Variants in ANTXR1 observed in about 807,000 individuals in gnomAD.
ANTXR1 encodes the protein anthrax toxin receptor 1.
Under a neutral mutation model 78.1 loss-of-function variants are expected in ANTXR1, and 19 were observed. That is an observed-to-expected ratio of 0.24 (90% CI 0.17 to 0.36). The LOEUF is 0.36. Ranked by LOEUF, ANTXR1 falls within the 10% of genes least tolerant of loss-of-function variation. The pLI, the probability that ANTXR1 is intolerant of heterozygous loss-of-function variation, is 1.00. For missense variants in ANTXR1, 518 were observed against 718.6 expected (o/e 0.72, Z 3.19); for synonymous variants, 273 against 260.5 (o/e 1.05, Z -0.46).
At chr2:69,205,966 T>C (rs943871641) in intron 17 of ANTXR1, among the ~76,000 whole-genome samples, 1 of 152,270 alleles carries the variant, frequency 6.6e-6, no homozygotes, top group Non-Finnish European at 1.5e-5. Flanking sequence ...TTTACCAGTC[T>C]CACTTTACAA....
chr2:69,101,784 G>C (rs913487644), intron 9 of ANTXR1, among the ~76,000 whole-genome samples: 4 of 151,922 alleles, frequency 2.6e-5, no homozygotes, highest in African/African-American at 7.3e-5. Flanking sequence ...TATTTCTCTT[G>C]TGATATGCCA....
chr2:69,060,978 C>T (rs1670218958), intron 3 of ANTXR1, among the ~76,000 whole-genome samples: 1 of 152,092 alleles, frequency 6.6e-6, no homozygotes, highest in Non-Finnish European at 1.5e-5. Flanking sequence ...AAAAACACCA[C>T]ATATAAGAAT....
chr2:69,062,300 C>T (rs942287531), intron 3 of ANTXR1, among the ~76,000 whole-genome samples: 1 of 152,190 alleles, frequency 6.6e-6, no homozygotes, highest in Non-Finnish European at 1.5e-5. Flanking sequence ...GAGGAATTGC[C>T]TGCAGAGTAG....
chr2:69,094,917 C>A (rs554580981), intron 9 of ANTXR1, among the ~76,000 whole-genome samples: 1 of 152,148 alleles, frequency 6.6e-6, no homozygotes, highest in Non-Finnish European at 1.5e-5. Context: ...GGTAAGATAG[C>A]AGAAAAGACA....
At chr2:69,020,817 TC>T (rs1469757235) in intron 1 of ANTXR1, among the ~76,000 whole-genome samples, 1 of 152,226 alleles carries the variant, frequency 6.6e-6, no homozygotes, top group Non-Finnish European at 1.5e-5. Flanking sequence ...CCAATTTGAC[TC>T]AGCAGATTCT....
chr2:69,233,849 G>T (rs1176217351), intron 17 of ANTXR1, among the ~76,000 whole-genome samples: 1 of 151,810 alleles, frequency 6.6e-6, no homozygotes, highest in Non-Finnish European at 1.5e-5. Context: ...CAGAAATACT[G>T]TAAGAGAATT....
chr2:69,013,229 G>A lies in ANTXR1; in HGVS notation c.-271G>A. 1.8e-6 allele frequency: 1 copy of A among 545,852 alleles called. No homozygotes were observed. The highest frequency in any genetic ancestry group is 5.0e-4 in the Middle Eastern group (1 of 2,018). The allele number at this position is 545,852 out of a possible 1,614,324, so 33.8% of individuals were successfully genotyped here. A position where few individuals can be genotyped will look rare whatever the true frequency, so the allele number is the denominator to read the frequency against. On this transcript the variant is annotated 5_prime_UTR_variant, in exon 1 of 18. Coordinates refer to ENST00000303714, the MANE Select transcript of ANTXR1 (RefSeq NM_032208.3). This position sits in a 1 kb window ranked among gnomAD's most constrained non-coding sequence, Gnocchi z 5.0. Reference sequence around the variant, plus strand: ...TCGGCGCGGCCTCGGGAGCTGCCCGGCGGCCCCGGACCGAGGCAGCCCTCC... The same window carrying A: ...TCGGCGCGGCCTCGGGAGCTGCCCGACGGCCCCGGACCGAGGCAGCCCTCC...
intron 13 of ANTXR1, among the ~76,000 whole-genome samples, chr2:69,156,939 T>C (rs920996753): frequency 1.3e-5 from 2 of 152,180 alleles, no homozygotes; most frequent in Non-Finnish European, 2.9e-5. Context: ...GTTAATCTCA[T>C]GCCTTATTTC....
At chr2:69,074,142 C>G (rs115647844) in intron 6 of ANTXR1, among the ~76,000 whole-genome samples, 3 of 152,148 alleles carry the variant, frequency 2.0e-5, no homozygotes, top group African/African-American at 7.2e-5. Flanking sequence ...CCCTTTGAAG[C>G]CTACACTGGC....
intron 17 of ANTXR1, among the ~76,000 whole-genome samples, chr2:69,235,505 A>G (rs1245307541): frequency 7.9e-5 from 12 of 151,936 alleles, no homozygotes. Context: ...CAAAACAATT[A>G]GCCAGGTGTG....
intron 17 of ANTXR1, among the ~76,000 whole-genome samples, chr2:69,238,328 G>A (rs777368793): frequency 1.3e-5 from 2 of 152,208 alleles, no homozygotes; most frequent in Non-Finnish European, 2.9e-5. Flanking sequence ...TATTCTTCAT[G>A]AGGACAGGGA....
intron 12 of ANTXR1, among the ~76,000 whole-genome samples, chr2:69,142,039 T>A (rs1347011793): frequency 1.3e-5 from 2 of 152,216 alleles, no homozygotes; most frequent in Non-Finnish European, 1.5e-5. Context: ...TATAAATAAC[T>A]TGACATCATA....
intron 14 of ANTXR1, among the ~76,000 whole-genome samples, chr2:69,172,043 A>T (rs1674001643): frequency 6.6e-6 from 1 of 152,202 alleles, no homozygotes; most frequent in Non-Finnish European, 1.5e-5. Flanking sequence ...ACTCACGTGA[A>T]CACCTGCAGT....
chr2:69,107,220 G>C (rs1239973591), intron 10 of ANTXR1, among the ~76,000 whole-genome samples: 1 of 152,012 alleles, frequency 6.6e-6, no homozygotes, highest in Non-Finnish European at 1.5e-5. Context: ...CCAGAGGAAA[G>C]ATATAAAGAA....
intron 14 of ANTXR1, among the ~76,000 whole-genome samples, chr2:69,178,319 G>A (rs1174479122): frequency 2.0e-5 from 3 of 152,204 alleles, no homozygotes; most frequent in Non-Finnish European, 4.4e-5. Flanking sequence ...TCTCCCGTCC[G>A]TCAGCCCCTG....
At chr2:69,065,249 G>C (rs954141656) in intron 3 of ANTXR1, among the ~76,000 whole-genome samples, 1 of 151,600 alleles carries the variant, frequency 6.6e-6, no homozygotes, top group African/African-American at 2.4e-5. Context: ...CATGGTGAAA[G>C]CCCATCTCTA....
chr2:69,144,317 A>G (rs548209306), intron 12 of ANTXR1, among the ~76,000 whole-genome samples: 1 of 152,188 alleles, frequency 6.6e-6, no homozygotes, highest in Non-Finnish European at 1.5e-5. Context: ...AAGTGGACAT[A>G]GTTCCTTGAT....
rs1558541410 is a variant in ANTXR1, at chr2:69,096,329, GGAGGA to G, written c.703+5411_703+5415del. Among the ~76,000 whole-genome samples the G allele has an allele frequency of 1.4e-3, 15 of 11,070 alleles. 5 individuals carry two copies. The African/African-American group carries it at 0.015, about 11-fold the overall frequency. The allele number at this position is 11,070 out of a possible 152,430, so 7.3% of individuals were successfully genotyped here. ...GGGAGGAAGGGAGGAAGGGAGGAAGGGAGGAAGGGAGGAAGGGAGGAAGGGAGGAA... is the reference window on the plus strand; with the variant it reads ...GGGAGGAAGGGAGGAAGGGAGGAAGGAGGGAGGAAGGGAGGAAGGGAGGAA... On this transcript the variant is annotated intron_variant, in intron 9 of 17. Coordinates refer to ENST00000303714, the MANE Select transcript of ANTXR1 (RefSeq NM_032208.3).
intron 3 of ANTXR1, among the ~76,000 whole-genome samples, chr2:69,055,344 C>A (rs1670036951): frequency 6.6e-6 from 1 of 152,078 alleles, no homozygotes; most frequent in African/African-American, 2.4e-5. Flanking sequence ...ATTATTGTTT[C>A]TTTTGTGTAA....
Sources: gnomAD v4.1 joint callset for allele counts (sites outside exome capture counted in the v4.1 genomes callset) on GRCh38, gnomAD v4.1.1 for gene constraint, Gnocchi (gnomAD v3.1) non-coding constraint, MANE v1.5 for transcripts, NCBI Gene and HGNC (gene_info 2026-07-23, HGNC 2026-07-21) for gene names.